DIO2: variants seen among roughly 807,000 people sequenced by gnomAD.
DIO2 encodes the protein type II iodothyronine deiodinase.
Under a neutral mutation model 21.4 loss-of-function variants are expected in DIO2, and 19 were observed. The observed-to-expected ratio is 0.89, with a 90% CI of 0.62 to 1.30. The LOEUF (loss-of-function observed/expected upper bound fraction) is 1.30. DIO2 is among the 50% of genes most tolerant of loss of function. The pLI, the probability that DIO2 is intolerant of heterozygous loss-of-function variation, is 0.00. For synonymous variants in DIO2, 122 were observed against 132.9 expected (o/e 0.92, Z 0.57); for missense variants, 302 against 338.1 (o/e 0.89, Z 0.84).
chr14:80,216,937 A>G (rs1888374985), intron 2 of DIO2, among the ~76,000 whole-genome samples: 1 of 152,148 alleles, frequency 6.6e-6, no homozygotes, highest in African/African-American at 2.4e-5. Context: ...CTTATCCATC[A>G]CCTCCCTCAT....
Position 80,199,307 on chromosome 14 carries a change from A to T in DIO2, c.*3382T>A, listed in dbSNP as rs2139990278. 1 of 152,250 alleles carries T rather than the reference A, an allele frequency of 6.6e-6. No individual in the cohort carries two copies. The highest frequency in any genetic ancestry group is 1.9e-4 in the East Asian group (1 of 5,202). The allele number at this position is 152,250 out of a possible 1,614,324, so 9.4% of individuals were successfully genotyped here. A position where few individuals can be genotyped will look rare whatever the true frequency, so the allele number is the denominator to read the frequency against. On this transcript the variant is annotated 3_prime_UTR_variant, in exon 2 of 2. Transcript: ENST00000438257. ...TTCCCACTGTGATGAGAGAATAAGC[A>T]CTTCCTGGTTAACGGGAGAAGAACT...
upstream of DIO2, among the ~76,000 whole-genome samples, chr14:80,212,633 C>T (rs1038908302): frequency 6.6e-6 from 1 of 152,080 alleles, no homozygotes; most frequent in Admixed American, 6.5e-5. Context: ...TATATACAAT[C>T]TTTATACCTT....
chr14:80,207,905 T>C (rs1236489518), intron 1 of DIO2, among the ~76,000 whole-genome samples: 1 of 152,156 alleles, frequency 6.6e-6, no homozygotes, highest in East Asian at 1.9e-4. Context: ...CCATTTTCCA[T>C]TGTGGAAACT....
At chr14:80,227,516 G>A (rs1888600447) in intron 2 of DIO2, among the ~76,000 whole-genome samples, 1 of 152,186 alleles carries the variant, frequency 6.6e-6, no homozygotes, top group Non-Finnish European at 1.5e-5. Context: ...TTTCCACCAA[G>A]GCCCAGGAAC....
At chr14:80,224,496 TACACACACACACACACAC>T (rs59545805) in intron 2 of DIO2, among the ~76,000 whole-genome samples, 1 of 138,380 alleles carries the variant, frequency 7.2e-6, no homozygotes, top group Non-Finnish European at 1.6e-5. Context: ...AGAGAGATAC[TACACACACACACACACAC>T]ACACACACAC....
At chr14:80,220,151 T>G (rs934279384) in intron 2 of DIO2, among the ~76,000 whole-genome samples, 4 of 152,078 alleles carry the variant, frequency 2.6e-5, no homozygotes, top group Non-Finnish European at 5.9e-5. Flanking sequence ...CTTGGCTCAC[T>G]GAAAGCTCAG....
chr14:80,228,403 G>T (rs1238304997), intron 2 of DIO2, among the ~76,000 whole-genome samples: 2 of 152,138 alleles, frequency 1.3e-5, no homozygotes, highest in Non-Finnish European at 2.9e-5. Context: ...GTGACCACTT[G>T]GTTAAGCTTA....
rs1887576741 is a variant in DIO2 at position 80,198,570 on chromosome 14, C to T, written c.*4119G>A. 1 of 152,210 alleles carries T rather than the reference C, an allele frequency of 6.6e-6. No homozygotes were observed. 9.4% of individuals were successfully genotyped at this position (152,210 alleles called of 1,614,324 possible). On this transcript the variant is annotated 3_prime_UTR_variant, in exon 2 of 2. Transcript: ENST00000438257. ...TCCCAGTTAGCAACTTTCTAGCTCT[C>T]CCATCCTAGATCCTCTCTTTTCTTA...
Position 80,198,651 on chromosome 14 carries a change from T to G in DIO2, c.*4038A>C, listed in dbSNP as rs1003983117. 3.9e-5 allele frequency: 6 copies of G among 151,926 alleles called. No individual in the cohort carries two copies. The highest frequency in any genetic ancestry group is 1.2e-4 in the African/African-American group (5 of 41,358). The allele number at this position is 151,926 out of a possible 1,614,324, so 9.4% of individuals were successfully genotyped here. On this transcript the variant is annotated 3_prime_UTR_variant, in exon 2 of 2. Coordinates refer to ENST00000438257, the MANE Select transcript of DIO2 (RefSeq NM_013989.5). ...CCATTGCAAAGCAGAGATTGGTACT[T>G]AAGCCCCATTCTGGAAGCATATATG...
At chr14:80,230,874 T>C (rs1006873640) in intron 2 of DIO2, 1 of 152,186 alleles carries the variant, frequency 6.6e-6, no homozygotes, top group South Asian at 2.1e-4. Context: ...TAATAGGATA[T>C]ATACAAAGGA....
chr14:80,221,629 T>C (rs1888467261), intron 2 of DIO2, among the ~76,000 whole-genome samples: 1 of 152,114 alleles, frequency 6.6e-6, no homozygotes, highest in Admixed American at 6.5e-5. Flanking sequence ...GCCATCCAGG[T>C]CATAAGAATC....
intron 2 of DIO2, among the ~76,000 whole-genome samples, chr14:80,218,242 A>C (rs111753590): frequency 0.02 from 3,091 of 152,228 alleles, 122 homozygotes; most frequent in African/African-American, 0.069. Context: ...AACAAACAAA[A>C]AAAAAACAGA....
intron 1 of DIO2, chr14:80,206,441 G>A (rs1887961088): frequency 1.6e-6 from 1 of 625,190 alleles, no homozygotes; most frequent in Non-Finnish European, 2.6e-6. Context: ...CTCCCCATTT[G>A]GTCACCATAA....
At chr14:80,216,584 G>A (rs2140014646) in intron 3 of DIO2, 1 of 152,134 alleles carries the variant, frequency 6.6e-6, no homozygotes, top group Middle Eastern at 3.4e-3. Context: ...GGGTGGTAGG[G>A]GAATTGAGAA....
At chr14:80,228,236 G>T (rs1405277821) in intron 2 of DIO2, among the ~76,000 whole-genome samples, 1 of 152,212 alleles carries the variant, frequency 6.6e-6, no homozygotes, top group Non-Finnish European at 1.5e-5. Context: ...TATATTGCTG[G>T]TCTTGCCAGC....
At chr14:80,209,457 G>A (rs900701536) in intron 1 of DIO2, among the ~76,000 whole-genome samples, 15 of 151,598 alleles carry the variant, frequency 9.9e-5, no homozygotes, top group African/African-American at 3.6e-4. Context: ...CTGCTAACAC[G>A]TATAAAATAT....
chr14:80,224,821 G>T (rs890515229), intron 2 of DIO2, among the ~76,000 whole-genome samples: 1 of 152,114 alleles, frequency 6.6e-6, no homozygotes, highest in African/African-American at 2.4e-5. Flanking sequence ...GTATTACTCA[G>T]GGTTCCCTAG....
rs1317663598 is a variant in DIO2, at chr14:80,203,229, T to A, written c.282A>T (p.Gly94=). ...GGGTACCATTGCCACTGTTGTCACC[T>A]CCTTCTGTACTGGAGACATGCACCA... ...SSVVHVSSTE[G]GDNSGNGTQE... The change falls in exon 2 of 2, where the codon GGA becomes GGT. Residue 94 remains glycine (G), a synonymous_variant. Coordinates refer to ENST00000438257, the MANE Select transcript of DIO2 (RefSeq NM_013989.5). 4 of 1,607,642 alleles carry A rather than the reference T, an allele frequency of 2.5e-6. No individual in the cohort carries two copies. The Admixed American group carries it at 6.8e-5, about 27-fold the overall frequency.
upstream of DIO2, among the ~76,000 whole-genome samples, chr14:80,213,662 C>CTGAA (rs1393886560): frequency 6.6e-6 from 1 of 152,070 alleles, no homozygotes; most frequent in Non-Finnish European, 1.5e-5. Flanking sequence ...TGAGGACGTC[C>CTGAA]TGAATGAATG....
Sources: gnomAD v4.1 joint callset for allele counts (sites outside exome capture counted in the v4.1 genomes callset) on GRCh38, gnomAD v4.1.1 for gene constraint, MANE v1.5 for transcripts, NCBI Gene and HGNC (gene_info 2026-07-23, HGNC 2026-07-21) for gene names.